The following FRRS1L variants were observed in gnomAD, a reference collection of about 807,000 sequenced individuals.
The protein encoded by FRRS1L is DOMON domain-containing protein FRRS1L.
In FRRS1L, 22 loss-of-function variants were observed where a neutral mutation model predicts 28.6. The ratio of observed to expected loss-of-function variants is 0.77; its 90% CI spans 0.55 to 1.10. The LOEUF is 1.10. Among genes scored for constraint, FRRS1L ranks in the 50% least tolerant of loss-of-function variants. The pLI, the probability that FRRS1L is intolerant of heterozygous loss-of-function variation, is 0.00. For missense variants in FRRS1L, 380 were observed against 386.9 expected, an observed-to-expected ratio of 0.98 and a Z score of 0.15; for synonymous variants, 158 against 151.4, an observed-to-expected ratio of 1.04 and a Z score of -0.32.
At chr9:109,150,129 T>G (rs1295573346) in intron 1 of FRRS1L, 1 of 154,016 alleles carries the variant, frequency 6.5e-6, no homozygotes, top group African/African-American at 2.4e-5. Context: ...TTTATATACT[T>G]GATAACAGGA....
At chr9:109,158,387 GT>G (rs1831436143) in intron 1 of FRRS1L, among the ~76,000 whole-genome samples, 2 of 152,088 alleles carry the variant, frequency 1.3e-5, no homozygotes, top group Non-Finnish European at 2.9e-5. Context: ...ACAGATCAGT[GT>G]TTTTTAATAT....
At chr9:109,164,779 G>C (rs1831525849) in intron 1 of FRRS1L, among the ~76,000 whole-genome samples, 1 of 152,164 alleles carries the variant, frequency 6.6e-6, no homozygotes, top group Non-Finnish European at 1.5e-5. Flanking sequence ...CAGAATGGTG[G>C]GGGCGCGAAG....
rs750870478 is a variant in FRRS1L, at chr9:109,166,585, TG to T, written c.238+315del. Among the ~76,000 whole-genome samples the T allele has an allele frequency of 3.9e-5, 6 of 152,092 alleles. No homozygotes were observed. In the South Asian group the frequency reaches 8.3e-4, roughly 21 times the overall value. ...AAAGGTGGAAGCCAGATCTAAGAAC[TG>T]GGGGAGCTTAGACTCAGCACCCACC... On this transcript the variant is annotated intron_variant, in intron 1 of 4. Transcript: ENST00000561981.
intron 1 of FRRS1L, among the ~76,000 whole-genome samples, chr9:109,166,506 T>C (rs1218695406): frequency 1.3e-5 from 2 of 152,074 alleles, no homozygotes; most frequent in Non-Finnish European, 2.9e-5. Context: ...TGCTTCCCCC[T>C]AGCTGCCCTG....
In FRRS1L at chr9:109,136,770, G is replaced by T. The variant is rs564260433; in HGVS notation, c.*685C>A. 2 of 152,166 alleles carry T rather than the reference G, an allele frequency of 1.3e-5. No homozygotes were observed. Among genetic ancestry groups the T allele is most frequent in the Non-Finnish European group, 2.9e-5 (2 of 68,036 alleles). 9.4% of individuals were successfully genotyped at this position (152,166 alleles called of 1,614,324 possible). A position where few individuals can be genotyped will look rare whatever the true frequency, so the allele number is the denominator to read the frequency against. On this transcript the variant is annotated 3_prime_UTR_variant, in exon 5 of 5. Coordinates refer to ENST00000561981, the MANE Select transcript of FRRS1L (RefSeq NM_014334.4). ...ACTCCTGACCTCAGGTGACCTGCCC[G>T]TCTTGGCCTCCTAAAGTGCTGGGAT...
chr9:109,130,312 T>C lies in FRRS1L; in HGVS notation c.*7143A>G, dbSNP rs1831042732. The C allele has an allele frequency of 6.6e-6, 1 of 152,222 alleles. No homozygotes were observed. 9.4% of individuals were successfully genotyped at this position (152,222 alleles called of 1,614,324 possible). A position where few individuals can be genotyped will look rare whatever the true frequency, so the allele number is the denominator to read the frequency against. The stretch of plus-strand genomic sequence containing the variant: ...AAGCAATAAGGAATTATAAACTAAC[T>C]TTAATTACATCAACAGGAAGAATTT... On this transcript the variant is annotated 3_prime_UTR_variant, in exon 5 of 5. Transcript: ENST00000561981.
At chr9:109,139,541 GAA>G (rs1831154883) in intron 4 of FRRS1L, 1 of 152,188 alleles carries the variant, frequency 6.6e-6, no homozygotes, top group Non-Finnish European at 1.5e-5. Context: ...ATGAAATTCA[GAA>G]ATTAAATAAT....
At position 109,131,955 on chromosome 9, in the gene FRRS1L, T is replaced by C. The variant is rs1831062129; in HGVS notation, c.*5500A>G. 7.8e-6 allele frequency: 1 copy of C among 128,838 alleles called. No individual in the cohort carries two copies. Among genetic ancestry groups the C allele is most frequent in the Non-Finnish European group, 1.7e-5 (1 of 57,860 alleles). 8.0% of individuals were successfully genotyped at this position (128,838 alleles called of 1,614,324 possible). A position where few individuals can be genotyped will look rare whatever the true frequency, so the allele number is the denominator to read the frequency against. ...TGGTGCAGCAGATTTTGATACAACTTTTATTTTATTTTATTTTATTTTATT... is the reference window on the plus strand; with the variant it reads ...TGGTGCAGCAGATTTTGATACAACTCTTATTTTATTTTATTTTATTTTATT... On this transcript the variant is annotated 3_prime_UTR_variant, in exon 5 of 5. Transcript: ENST00000561981.
At position 109,142,243 on chromosome 9, in the gene FRRS1L, T is replaced by C. The variant is rs377305780; in HGVS notation, c.463-654A>G. On this transcript the variant is annotated intron_variant, in intron 3 of 4. Transcript: ENST00000561981. ...TTAAAGGATTATGATATTTGCTATT[T>C]AAATGCCAAAATTCCAGAAAATAAC... is the stretch of plus-strand genomic sequence containing the variant. 2.2e-3 allele frequency among the ~76,000 whole-genome samples: 329 copies of C among 152,334 alleles called. 17 individuals carry two copies. The South Asian group carries it at 0.063, about 29-fold the overall frequency.
At chr9:109,156,466 G>C (rs1472413620) in intron 1 of FRRS1L, among the ~76,000 whole-genome samples, 1 of 150,474 alleles carries the variant, frequency 6.6e-6, no homozygotes, top group East Asian at 2.0e-4. Context: ...TCGCCTCACT[G>C]CAACCTCCAC....
At chr9:109,159,079 T>A (rs774830010) in intron 1 of FRRS1L, among the ~76,000 whole-genome samples, 181 of 152,212 alleles carry the variant, frequency 1.2e-3, no homozygotes, top group Non-Finnish European at 1.9e-3. Flanking sequence ...ATGTTGGGCA[T>A]CTTTTCATGA....
At chr9:109,144,482 T>C (rs1241503249) in intron 3 of FRRS1L, among the ~76,000 whole-genome samples, 1 of 151,892 alleles carries the variant, frequency 6.6e-6, no homozygotes, top group Non-Finnish European at 1.5e-5. Flanking sequence ...CTCATGCCTC[T>C]GCCTTCTGAG....
intron 4 of FRRS1L, chr9:109,139,129 GC>G (rs1485990584): frequency 1.3e-5 from 2 of 152,238 alleles, no homozygotes; most frequent in African/African-American, 2.4e-5. Context: ...AACCTGGGAG[GC>G]TGAGGTTGCA....
At chr9:109,140,188 ACACCTGTAATCCCAG>A (rs1359389856) in intron 4 of FRRS1L, 1 of 152,352 alleles carries the variant, frequency 6.6e-6, no homozygotes, top group Non-Finnish European at 1.5e-5. Flanking sequence ...ATGGTAGCTC[ACACCTGTAATCCCAG>A]CACTTAGGGA....
rs568750414 is a variant in FRRS1L at position 109,143,324 on chromosome 9, A to T, written c.463-1735T>A. On this transcript the variant is annotated intron_variant, in intron 3 of 4. Transcript: ENST00000561981. ...CAGTAAGACTCCATCACAAAAAAAT[A>T]AAAAGTTACAAAAAAAAGTGTTAAT... is the stretch of plus-strand genomic sequence containing the variant. Among the ~76,000 whole-genome samples, 14 of 152,192 alleles carry T rather than the reference A, an allele frequency of 9.2e-5. No homozygotes were observed. The East Asian group carries it at 2.7e-3, about 30-fold the overall frequency.
intron 1 of FRRS1L, chr9:109,150,408 G>A (rs1969337): frequency 6.6e-6 from 1 of 151,878 alleles, no homozygotes; most frequent in Non-Finnish European, 1.5e-5. Flanking sequence ...TAGAGACAGG[G>A]TTTCACCATA....
intron 4 of FRRS1L, chr9:109,140,483 G>C (rs1831164590): frequency 6.6e-6 from 1 of 152,260 alleles, no homozygotes; most frequent in Non-Finnish European, 1.5e-5. Context: ...GACCAGTAGA[G>C]GGGAGGAGAG....
At position 109,136,667 on chromosome 9, in the gene FRRS1L, T is replaced by C. The variant is rs925597733; in HGVS notation, c.*788A>G. On this transcript the variant is annotated 3_prime_UTR_variant, in exon 5 of 5. Transcript: ENST00000561981. ...TCCCGAATAGCTGGGATTATAGGTG[T>C]GCACCACCACGCCTGGCTCATTTTT... 4 of 152,100 alleles carry C rather than the reference T, an allele frequency of 2.6e-5. No individual in the cohort carries two copies. Among genetic ancestry groups the C allele is most frequent in the African/African-American group, 7.2e-5 (3 of 41,388 alleles). The allele number at this position is 152,100 out of a possible 1,614,324, so 9.4% of individuals were successfully genotyped here.
intron 3 of FRRS1L, among the ~76,000 whole-genome samples, chr9:109,143,290 T>C (rs139686039): frequency 3.3e-5 from 5 of 152,072 alleles, no homozygotes; most frequent in African/African-American, 1.2e-4. Flanking sequence ...ACTCCAAGCC[T>C]GGGCAATACA....
Sources: gnomAD v4.1 joint callset for allele counts (sites outside exome capture counted in the v4.1 genomes callset) on GRCh38, gnomAD v4.1.1 for gene constraint, MANE v1.5 for transcripts, NCBI Gene and HGNC (gene_info 2026-07-23, HGNC 2026-07-21) for gene names.